Variants in SSX2IP observed in about 807,000 individuals in gnomAD.
The protein encoded by SSX2IP is afadin- and alpha-actinin-binding protein.
In SSX2IP, 55 loss-of-function variants were observed where a neutral mutation model predicts 84.9. That is an observed-to-expected ratio of 0.65 (90% CI 0.52 to 0.81). The LOEUF (loss-of-function observed/expected upper bound fraction) is 0.81, where lower values mean the gene tolerates loss of function less well. Among genes scored for constraint, SSX2IP ranks in the 30% least tolerant of loss-of-function variants. SSX2IP has a pLI of 0.00. For synonymous variants in SSX2IP, 239 were observed against 234.7 expected, an observed-to-expected ratio of 1.02 and a Z score of -0.17; for missense variants, 664 against 705.2, an observed-to-expected ratio of 0.94 and a Z score of 0.66.
In SSX2IP at chr1:84,666,245, T is replaced by C. The variant is rs773876888; in HGVS notation, c.427-13A>G. ...TTTCCAGTTGTTCCTAAAACATTTA[T>C]AAGCAATTTTGCTTAAAATTAATAA... On this transcript the variant is annotated splice_polypyrimidine_tract_variant and intron_variant, in intron 4 of 13. Transcript: ENST00000342203. 1 of 1,596,486 alleles carries C rather than the reference T, an allele frequency of 6.3e-7. No individual in the cohort carries two copies. The highest frequency in any genetic ancestry group is 2.2e-5 in the East Asian group (1 of 44,698).
intron 13 of SSX2IP, chr1:84,650,022 T>C: frequency 1.6e-6 from 1 of 640,056 alleles, no homozygotes; most frequent in South Asian, 1.6e-5. Context: ...GTCAAAACAA[T>C]ATCCTTCCAT....
intron 9 of SSX2IP, among the ~76,000 whole-genome samples, chr1:84,657,306 AAAGT>A (rs1332023597): frequency 1.4e-4 from 21 of 152,190 alleles, no homozygotes; most frequent in African/African-American, 4.3e-4. Flanking sequence ...AATTTAAAAA[AAAGT>A]AAGTATCTTT....
At position 84,644,945 on chromosome 1, in the gene SSX2IP, C is replaced by T. The variant is rs1220285573; in HGVS notation, c.*2488G>A. The T allele has an allele frequency of 6.6e-6, 1 of 152,160 alleles. No individual in the cohort carries two copies. Among genetic ancestry groups the T allele is most frequent in the Non-Finnish European group, 1.5e-5 (1 of 68,030 alleles). 9.4% of individuals were successfully genotyped at this position (152,160 alleles called of 1,614,324 possible). ...AATTTTAGTCATAATTTCATTGTTT[C>T]TCATCATAGACTGCAGATGCAAACA... is the stretch of plus-strand genomic sequence containing the variant. On this transcript the variant is annotated 3_prime_UTR_variant, in exon 14 of 14. Coordinates refer to ENST00000342203, the MANE Select transcript of SSX2IP (RefSeq NM_001166293.2).
chr1:84,668,753 GT>G (rs199524987), intron 4 of SSX2IP, among the ~76,000 whole-genome samples: 2,139 of 151,670 alleles, frequency 0.014, 41 homozygotes, highest in African/African-American at 0.047. Flanking sequence ...TTCTGAGTGG[GT>G]TTTTTTTATT....
At position 84,645,995 on chromosome 1, in the gene SSX2IP, T is replaced by C. The variant is rs187624537; in HGVS notation, c.*1438A>G. The C allele has an allele frequency of 6.6e-6, 1 of 152,308 alleles. No individual in the cohort carries two copies. Among genetic ancestry groups the C allele is most frequent in the Admixed American group, 6.5e-5 (1 of 15,300 alleles). 9.4% of individuals were successfully genotyped at this position (152,308 alleles called of 1,614,324 possible). On this transcript the variant is annotated 3_prime_UTR_variant, in exon 14 of 14. Transcript: ENST00000342203. ...TGCTATGCAACTCCAAAGAGTTACA[T>C]AGTTACGTATAGTGAATGGACAACA...
intron 1 of SSX2IP, among the ~76,000 whole-genome samples, chr1:84,684,297 A>G (rs184104497): frequency 6.6e-6 from 1 of 152,338 alleles, no homozygotes; most frequent in Admixed American, 6.5e-5. Context: ...ATTCTGACAA[A>G]GTTTGAGAAT....
intron 11 of SSX2IP, chr1:84,652,407 G>A (rs1213821052): frequency 4.4e-5 from 5 of 114,750 alleles, no homozygotes; most frequent in African/African-American, 7.1e-5. Context: ...TAGGTGACAC[G>A]GCAAGACCGT....
At chr1:84,647,752 G>GCA in intron 13 of SSX2IP, 145 bp from the exon 14 acceptor site, 15 of 261,558 alleles carry the variant, frequency 5.7e-5, no homozygotes, top group Non-Finnish European at 9.3e-5. Flanking sequence ...ATTTTACTTG[G>GCA]AAAAAAAAAA....
chr1:84,652,759 C>T (rs1046798910), intron 11 of SSX2IP, among the ~76,000 whole-genome samples: 20 of 151,648 alleles, frequency 1.3e-4, no homozygotes, highest in African/African-American at 4.6e-4. Context: ...GGCACGGTGG[C>T]TCACGCCTGT....
intron 4 of SSX2IP, among the ~76,000 whole-genome samples, chr1:84,669,005 C>G (rs1351986699): frequency 1.3e-5 from 2 of 151,972 alleles, no homozygotes; most frequent in Non-Finnish European, 2.9e-5. Flanking sequence ...AAGTCCCAAC[C>G]ACCCCACGAT....
chr1:84,658,217 T>G, intron 9 of SSX2IP, 101 bp downstream of exon 9: 2 of 1,277,920 alleles, frequency 1.6e-6, no homozygotes, highest in Non-Finnish European at 2.2e-6. Flanking sequence ...TGAAGTATAG[T>G]ACTTTAGCTC....
intron 1 of SSX2IP, among the ~76,000 whole-genome samples, chr1:84,686,771 T>C (rs1655857360): frequency 6.6e-6 from 1 of 152,122 alleles, no homozygotes. Flanking sequence ...GCAAATGCCA[T>C]AGAATGGGCA....
At chr1:84,647,838 G>T (rs1649673757) in intron 13 of SSX2IP, among the ~76,000 whole-genome samples, 1 of 151,928 alleles carries the variant, frequency 6.6e-6, no homozygotes, top group East Asian at 1.9e-4. Context: ...TTGAGCCCAG[G>T]AATTCAGGAC....
At chr1:84,671,099 GTAAT>G (rs1301891519) in intron 2 of SSX2IP, 74 bp downstream of exon 2, 89 of 1,514,794 alleles carry the variant, frequency 5.9e-5, no homozygotes, top group Non-Finnish European at 7.9e-5. Context: ...AACATCTGCA[GTAAT>G]TATTTTATAT....
intron 13 of SSX2IP, 23 bp from the exon 14 acceptor site, chr1:84,647,630 T>C (rs753208024): frequency 6.7e-7 from 1 of 1,501,926 alleles, no homozygotes; most frequent in Non-Finnish European, 9.0e-7. Context: ...GAAAGGCAGA[T>C]CTTAGTGACT....
At position 84,662,484 on chromosome 1, in the gene SSX2IP, G is replaced by C. The variant is rs747711195; in HGVS notation, c.720C>G (p.Gly240=). Residue 240 remains glycine (G), a synonymous_variant, in exon 7 of 14, where the codon GGC becomes GGG. Coordinates refer to ENST00000342203, the MANE Select transcript of SSX2IP (RefSeq NM_001166293.2). The stretch of plus-strand genomic sequence containing the variant: ...CTTCAGTTTTACCAGTCCTCCAGGA[G>C]CCTCTTTTTCCATCAGCTCTCCCGA... The part of the protein sequence containing the change: ...NYVGRADGKR[G]SWRTGKTEAR... The C allele has an allele frequency of 1.2e-6, 2 of 1,614,008 alleles. No individual in the cohort carries two copies. The highest frequency in any genetic ancestry group is 4.5e-5 in the East Asian group (2 of 44,862).
chr1:84,655,854 G>C lies in SSX2IP; in HGVS notation c.1367C>G (p.Ala456Gly), dbSNP rs768983327. Reference sequence around the variant, plus strand: ...TACCTCCAATCCCAGGCGAATAGCGGCTTCTGTAAAGCTTCGTCTCTCCCT... The same window carrying C: ...TACCTCCAATCCCAGGCGAATAGCGCCTTCTGTAAAGCTTCGTCTCTCCCT... ...FERERRSFTE[A>G]AIRLGLERKA... Residue 456 changes from alanine (A) to glycine (G), a missense_variant, in exon 11 of 14, where the codon GCC becomes GGC. Transcript: ENST00000342203. 1 of 1,613,608 alleles carries C rather than the reference G, an allele frequency of 6.2e-7. No homozygotes were observed. Among genetic ancestry groups the C allele is most frequent in the Non-Finnish European group, 8.5e-7 (1 of 1,179,810 alleles).
At chr1:84,658,517 T>A in intron 8 of SSX2IP, 49 bp from the exon 9 acceptor site, 4 of 1,560,272 alleles carry the variant, frequency 2.6e-6, no homozygotes, top group Admixed American at 1.9e-5. Flanking sequence ...TTACAATGGC[T>A]TTAGATGCTC....
intron 1 of SSX2IP, among the ~76,000 whole-genome samples, chr1:84,684,635 C>T (rs1655538236): frequency 6.6e-6 from 1 of 152,122 alleles, no homozygotes; most frequent in Admixed American, 6.5e-5. Context: ...AAACTCTTGC[C>T]TACGTATGCC....
Sources: gnomAD v4.1 joint callset for allele counts (sites outside exome capture counted in the v4.1 genomes callset) on GRCh38, gnomAD v4.1.1 for gene constraint, MANE v1.5 for transcripts, NCBI Gene and HGNC (gene_info 2026-07-23, HGNC 2026-07-21) for gene names.